TRANK1: variants seen among roughly 807,000 people sequenced by gnomAD.
The protein encoded by TRANK1 is TPR and ankyrin repeat-containing protein 1.
Under a neutral mutation model 266.0 loss-of-function variants are expected in TRANK1, and 198 were observed. The observed-to-expected ratio is 0.74, with a 90% CI of 0.66 to 0.84. The LOEUF is 0.84. Among genes scored for constraint, TRANK1 ranks in the 40% least tolerant of loss-of-function variants. The probability of loss-of-function intolerance (pLI) is 0.00; values close to 1 mark genes in which losing one functional copy is unlikely to be tolerated. For missense variants in TRANK1, 3,326 were observed against 3,634.6 expected (o/e 0.92, Z 2.18); for synonymous variants, 1,396 against 1,384.1 (o/e 1.01, Z -0.19).
At chr3:36,886,640 C>T (rs111619354) in intron 8 of TRANK1, among the ~76,000 whole-genome samples, 380 of 152,030 alleles carry the variant, frequency 2.5e-3, no homozygotes, top group African/African-American at 8.8e-3. Context: ...TGGCCTGGCA[C>T]GGTGGCTCAT....
At chr3:36,935,546 G>A (rs1331489643) in intron 1 of TRANK1, among the ~76,000 whole-genome samples, 1 of 148,868 alleles carries the variant, frequency 6.7e-6, no homozygotes, top group African/African-American at 2.5e-5. Context: ...TGTCTCCCGG[G>A]TTCAAGTGAT....
chr3:36,944,896 C>T lies in TRANK1; in HGVS notation c.-87G>A. 1.5e-6 allele frequency: 2 copies of T among 1,317,916 alleles called. No individual in the cohort carries two copies. The highest frequency in any genetic ancestry group is 4.0e-5 in the Admixed American group (1 of 25,116). 81.6% of individuals were successfully genotyped at this position (1,317,916 alleles called of 1,614,324 possible). On this transcript the variant is annotated 5_prime_UTR_variant, in exon 1 of 24. Coordinates refer to ENST00000645898, the MANE Select transcript of TRANK1 (RefSeq NM_001329998.2). Reference sequence around the variant, plus strand: ...CAGGGCGCGGCGGGCAGTGCGGAAGCCCGAAAGCTACCGGAGCCCGGGGCA... The same window carrying T: ...CAGGGCGCGGCGGGCAGTGCGGAAGTCCGAAAGCTACCGGAGCCCGGGGCA...
Position 36,857,602 on chromosome 3 carries a change from C to T in TRANK1, c.2120G>A (p.Trp707Ter). 6.2e-7 allele frequency: 1 copy of T among 1,614,054 alleles called. No individual in the cohort carries two copies. The highest frequency in any genetic ancestry group is 2.2e-5 in the East Asian group (1 of 44,884). The change falls in exon 13 of 24, where the codon TGG (tryptophan) becomes TAG (stop). Residue 707 changes from tryptophan (W) to a stop codon, truncating the protein, a stop_gained. Transcript: ENST00000645898. LOFTEE classifies it high-confidence loss of function. The surrounding 1 kb of genome is among the most constrained non-coding windows in gnomAD (Gnocchi z 4.3). The part of the protein sequence containing the change: ...LPEGSAVPDS[W>*]ETLPGTQVTR... ...CACCTGGGTACCTGGGAGAGTCTCC[C>T]AGCTGTCAGGGACTGCACTTCCTTC...
At chr3:36,893,201 C>T (rs891386581) in intron 5 of TRANK1, among the ~76,000 whole-genome samples, 1 of 151,828 alleles carries the variant, frequency 6.6e-6, no homozygotes, top group Admixed American at 6.6e-5. Context: ...GACTAAGGCC[C>T]CTCCACACTT....
At position 36,856,751 on chromosome 3, in the gene TRANK1, G is replaced by A. The variant is rs772670072; in HGVS notation, c.2971C>T (p.Arg991Cys). The change falls in exon 13 of 24, where the codon CGT (arginine) becomes TGT (cysteine). Residue 991 changes from arginine to cysteine, a missense_variant. By Grantham distance (180) the Arg-to-Cys change is radical (BLOSUM62 -3). Coordinates refer to ENST00000645898, the MANE Select transcript of TRANK1 (RefSeq NM_001329998.2). ...TCCTCCACATAGCAGCGAGGTATACGCTTTTGAATTTTCATGTTAGCTGAC... is the reference window on the plus strand; with the variant it reads ...TCCTCCACATAGCAGCGAGGTATACACTTTTGAATTTTCATGTTAGCTGAC... Reference protein sequence around the residue: ...QVSANMKIQKRIPRCYVEDTE... With the variant: ...QVSANMKIQKCIPRCYVEDTE... The A allele has an allele frequency of 6.2e-6, 10 of 1,613,990 alleles. No homozygotes were observed. The highest frequency in any genetic ancestry group is 2.2e-5 in the South Asian group (2 of 91,080).
At position 36,855,784 on chromosome 3, in the gene TRANK1, C is replaced by A. The variant is rs776828740; in HGVS notation, c.3938G>T (p.Gly1313Val). 32 of 1,613,606 alleles carry A rather than the reference C, an allele frequency of 2.0e-5. No individual in the cohort carries two copies. In the Admixed American group the frequency reaches 2.2e-4, roughly 11 times the overall value. ...EEDKAVEMRT[G>V]DSDPRVYVTF... is the part of the protein sequence containing the mutation. The stretch of plus-strand genomic sequence containing the variant: ...CACGTACACCCGGGGGTCACTGTCA[C>A]CCGTACGCATTTCTACAGCTTTATC... The change falls in exon 13 of 24, where the codon GGT (glycine) becomes GTT (valine). Residue 1313 changes from glycine (G) to valine (V), a missense_variant. Physicochemically the swap from Gly to Val is moderately radical, Grantham distance 109 (BLOSUM62 -3). Coordinates refer to ENST00000645898, the MANE Select transcript of TRANK1 (RefSeq NM_001329998.2).
chr3:36,837,414 A>C (rs2078785078), intron 20 of TRANK1, among the ~76,000 whole-genome samples: 1 of 151,798 alleles, frequency 6.6e-6, no homozygotes, highest in African/African-American at 2.4e-5. Flanking sequence ...TCCCACTCCT[A>C]CCCCTCTCAA....
intron 1 of TRANK1, chr3:36,929,211 C>G (rs2080328670): frequency 6.6e-6 from 1 of 150,970 alleles, no homozygotes; most frequent in African/African-American, 2.4e-5. Flanking sequence ...GTGGCAAGAC[C>G]TTGGCTCACT....
At position 36,936,420 on chromosome 3, in the gene TRANK1, A is replaced by C. The variant is rs116764741; in HGVS notation, c.23+8367T>G. Among the ~76,000 whole-genome samples the C allele has an allele frequency of 2.2e-3, 331 of 152,098 alleles. 4 individuals carry two copies. Among genetic ancestry groups the C allele is most frequent in the African/African-American group, 7.7e-3 (321 of 41,482 alleles). Reference sequence around the variant, plus strand: ...GGATCATTTGAGACGGAAGAGGTCAAGCCTGCAGTGAGCTGTGATCACACC... The same window carrying C: ...GGATCATTTGAGACGGAAGAGGTCACGCCTGCAGTGAGCTGTGATCACACC... On this transcript the variant is annotated intron_variant, in intron 1 of 23. Coordinates refer to ENST00000645898, the MANE Select transcript of TRANK1 (RefSeq NM_001329998.2).
chr3:36,838,405 C>G lies in TRANK1; in HGVS notation c.5484G>C (p.Gln1828His). 6.2e-7 allele frequency: 1 copy of G among 1,614,038 alleles called. No individual in the cohort carries two copies. The highest frequency in any genetic ancestry group is 8.5e-7 in the Non-Finnish European group (1 of 1,179,898). The change falls in exon 20 of 24, where the codon CAG becomes CAC. Residue 1828 changes from glutamine to histidine, a missense_variant. Transcript: ENST00000645898. Reference protein sequence around the residue: ...LKCLSYAKEFQLSAQLCERLG... With the variant: ...LKCLSYAKEFHLSAQLCERLG... ...GCCTCTCGCACAGCTGGGCAGAGAG[C>G]TGGAACTCCTTGGCATAGCTCAGAC...
intron 1 of TRANK1, among the ~76,000 whole-genome samples, chr3:36,911,551 T>G (rs1362674032): frequency 6.6e-6 from 1 of 152,172 alleles, no homozygotes; most frequent in African/African-American, 2.4e-5. Flanking sequence ...CAACAACAAA[T>G]GTATTCACCC....
intron 16 of TRANK1, among the ~76,000 whole-genome samples, chr3:36,846,785 G>GTGTA (rs1559423470): frequency 2.0e-5 from 3 of 152,134 alleles, no homozygotes. Flanking sequence ...GACAGACCCC[G>GTGTA]TGTACTCAGT....
At chr3:36,937,657 A>T (rs1015070321) in intron 1 of TRANK1, among the ~76,000 whole-genome samples, 3 of 152,264 alleles carry the variant, frequency 2.0e-5, no homozygotes, top group African/African-American at 7.2e-5. Flanking sequence ...GTCTCAAGAC[A>T]AATGATTTAG....
intron 1 of TRANK1, among the ~76,000 whole-genome samples, chr3:36,920,077 T>C (rs755200084): frequency 2.6e-5 from 4 of 152,194 alleles, no homozygotes; most frequent in Non-Finnish European, 5.9e-5. Context: ...ACACAAACTA[T>C]AATAAGTTCA....
chr3:36,832,086 C>T lies in TRANK1; in HGVS notation c.7497G>A (p.Glu2499=), dbSNP rs377104234. 3 of 1,613,922 alleles carry T rather than the reference C, an allele frequency of 1.9e-6. No homozygotes were observed. The highest frequency in any genetic ancestry group is 1.7e-5 in the Admixed American group (1 of 60,008). ...WEFLFSKKDK[E]LGDVFSIIQE... is the part of the protein sequence containing the mutation. ...GAATGATGGAGAACACATCCCCAAG[C>T]TCCTTGTCCTTCTTGCTAAACAGGA... The change falls in exon 22 of 24, where the codon GAG becomes GAA. Residue 2499 remains glutamate (E), a synonymous_variant. Coordinates refer to ENST00000645898, the MANE Select transcript of TRANK1 (RefSeq NM_001329998.2).
chr3:36,875,009 A>G (rs80030942), intron 8 of TRANK1, among the ~76,000 whole-genome samples: 10 of 135,232 alleles, frequency 7.4e-5, no homozygotes, highest in Non-Finnish European at 1.3e-4. Context: ...CCACTTTACC[A>G]AAAAAAAAAA....
intron 23 of TRANK1, 29 bp from the exon 24 acceptor site, chr3:36,828,404 G>A: frequency 1.1e-6 from 1 of 912,064 alleles, no homozygotes; most frequent in Non-Finnish European, 1.7e-6. Flanking sequence ...AAGGAAGGAA[G>A]GAAGGAAAGA....
chr3:36,913,489 CT>C (rs1246480048), intron 1 of TRANK1, among the ~76,000 whole-genome samples: 1 of 151,000 alleles, frequency 6.6e-6, no homozygotes, highest in Admixed American at 6.6e-5. Flanking sequence ...TCCTCTCTTT[CT>C]TTCTCTCCTC....
chr3:36,938,959 CAA>C (rs1175563017), intron 1 of TRANK1, among the ~76,000 whole-genome samples: 1 of 137,398 alleles, frequency 7.3e-6, no homozygotes. Context: ...GAATCCGTCT[CAA>C]AAAAAAAAAA....
Sources: allele counts gnomAD v4.1 joint callset (sites outside exome capture counted in the v4.1 genomes callset), GRCh38; gene constraint gnomAD v4.1.1; non-coding constraint Gnocchi (gnomAD v3.1); transcripts MANE v1.5; gene names NCBI Gene and HGNC (gene_info 2026-07-23, HGNC 2026-07-21).